CCDC149: variants seen among roughly 807,000 people sequenced by gnomAD.
CCDC149 encodes coiled-coil domain-containing protein 149.
Under a neutral mutation model 59.9 loss-of-function variants are expected in CCDC149, and 45 were observed. The ratio of observed to expected loss-of-function variants is 0.75; its 90% CI spans 0.59 to 0.96. The LOEUF is 0.96. Ranked by LOEUF, CCDC149 falls within the 40% of genes least tolerant of loss-of-function variation. CCDC149 has a pLI of 0.00. For missense variants in CCDC149, 584 were observed against 664.7 expected, an observed-to-expected ratio of 0.88 and a Z score of 1.33; for synonymous variants, 245 against 260.6, an observed-to-expected ratio of 0.94 and a Z score of 0.58.
At chr4:24,815,851 G>C (rs547699364) in intron 12 of CCDC149, among the ~76,000 whole-genome samples, 10 of 152,074 alleles carry the variant, frequency 6.6e-5, no homozygotes, top group Non-Finnish European at 1.5e-4. Flanking sequence ...GTGGGTGCAG[G>C]GGGGTGCGTG....
At chr4:24,975,808 C>T (rs910283015) in intron 1 of CCDC149, among the ~76,000 whole-genome samples, 28 of 129,758 alleles carry the variant, frequency 2.2e-4, no homozygotes, top group African/African-American at 9.5e-4. Flanking sequence ...CTGCCAATCC[C>T]GCATCTGTCT....
At chr4:24,937,657 AGAG>A (rs1722824014) in intron 1 of CCDC149, among the ~76,000 whole-genome samples, 1 of 152,198 alleles carries the variant, frequency 6.6e-6, no homozygotes, top group South Asian at 2.1e-4. Flanking sequence ...TTGCTGAGGA[AGAG>A]GAGGAGAAAA....
At position 24,968,356 on chromosome 4, in the gene CCDC149, G is replaced by A. The variant is rs374919537; in HGVS notation, c.-65+11713C>T. 3.9e-5 allele frequency among the ~76,000 whole-genome samples: 6 copies of A among 152,318 alleles called. No individual in the cohort carries two copies. In the South Asian group the frequency reaches 6.2e-4, roughly 16 times the overall value. On this transcript the variant is annotated intron_variant, in intron 1 of 12. Transcript: ENST00000389609. ...GATGGGCTGCAGTCATTGTGCAGAC[G>A]ACTTACCCAATAGCAGGAATGGATG...
chr4:24,935,227 G>A (rs967068107), intron 1 of CCDC149, among the ~76,000 whole-genome samples: 8 of 152,148 alleles, frequency 5.3e-5, no homozygotes, highest in Non-Finnish European at 8.8e-5. Context: ...AGAAGTGAAA[G>A]AAAGCGCATA....
chr4:24,870,639 T>C (rs1436342504), intron 3 of CCDC149, among the ~76,000 whole-genome samples: 2 of 152,228 alleles, frequency 1.3e-5, no homozygotes, highest in Non-Finnish European at 2.9e-5. Context: ...CTGGGATTGA[T>C]CAGATTCTCT....
At chr4:24,940,198 T>C (rs1358737527) in intron 1 of CCDC149, among the ~76,000 whole-genome samples, 1 of 152,142 alleles carries the variant, frequency 6.6e-6, no homozygotes, top group Non-Finnish European at 1.5e-5. Context: ...GCTGATCTCT[T>C]GGCAGAAACT....
At chr4:24,883,421 A>T (rs1719967912) in intron 1 of CCDC149, among the ~76,000 whole-genome samples, 1 of 142,592 alleles carries the variant, frequency 7.0e-6, no homozygotes, top group African/African-American at 2.6e-5. Flanking sequence ...TTACCCATTC[A>T]TTCAACAAAT....
rs1159269353 is a variant in CCDC149, at chr4:24,831,511, G to C, written c.960C>G (p.Thr320=). 6.2e-7 allele frequency: 1 copy of C among 1,613,800 alleles called. No individual in the cohort carries two copies. The highest frequency in any genetic ancestry group is 8.5e-7 in the Non-Finnish European group (1 of 1,179,910). Residue 320 remains threonine, a synonymous_variant, in exon 9 of 13, where the codon ACC becomes ACG. Coordinates refer to ENST00000635206, the MANE Select transcript of CCDC149 (RefSeq NM_001330643.2). ...ACAAGAGTTTGGCCACCTACTTGTT[G>C]GTTTGCCTCTGGTGCTGAATGACCA...
intron 1 of CCDC149, among the ~76,000 whole-genome samples, chr4:24,906,443 C>T (rs189794854): frequency 2.2e-5 from 1 of 46,418 alleles, no homozygotes; most frequent in Admixed American, 2.4e-4. Flanking sequence ...CTCTTGTCAC[C>T]CAGGCAGGAG....
chr4:24,864,778 C>A (rs1718597181), intron 3 of CCDC149, among the ~76,000 whole-genome samples: 1 of 152,200 alleles, frequency 6.6e-6, no homozygotes, highest in Non-Finnish European at 1.5e-5. Context: ...TTGAACAACA[C>A]AGGCTTGAAC....
intron 2 of CCDC149, among the ~76,000 whole-genome samples, chr4:24,874,104 T>TAG (rs917598198): frequency 2.6e-5 from 4 of 151,364 alleles, no homozygotes; most frequent in African/African-American, 9.7e-5. Flanking sequence ...CATACACATA[T>TAG]AGAGAGAGAG....
intron 4 of CCDC149, among the ~76,000 whole-genome samples, chr4:24,846,418 C>T (rs999421522): frequency 6.6e-6 from 1 of 152,208 alleles, no homozygotes; most frequent in African/African-American, 2.4e-5. Flanking sequence ...TCTCTCTGCT[C>T]CTTTTGAAGC....
chr4:24,895,554 C>A (rs990769296), intron 1 of CCDC149, among the ~76,000 whole-genome samples: 3 of 152,126 alleles, frequency 2.0e-5, no homozygotes, highest in African/African-American at 7.2e-5. Context: ...TCCACTGTTA[C>A]CCAAGGCATT....
intron 1 of CCDC149, among the ~76,000 whole-genome samples, chr4:24,880,675 G>C (rs1164739208): frequency 1.3e-5 from 2 of 152,140 alleles, no homozygotes; most frequent in African/African-American, 2.4e-5. Context: ...CAAATATAAG[G>C]CTGGGGCATT....
At chr4:24,921,785 G>T (rs377100836) in intron 1 of CCDC149, among the ~76,000 whole-genome samples, 24 of 152,280 alleles carry the variant, frequency 1.6e-4, no homozygotes, top group African/African-American at 4.8e-4. Context: ...TTAAAGATTT[G>T]ATGAAATTCA....
At position 24,819,959 on chromosome 4, in the gene CCDC149, T is replaced by C; in HGVS notation, c.1092A>G (p.Ile364Met). 1 of 1,550,232 alleles carries C rather than the reference T, an allele frequency of 6.5e-7. No homozygotes were observed. The highest frequency in any genetic ancestry group is 8.7e-7 in the Non-Finnish European group (1 of 1,146,256). Residue 364 changes from isoleucine (I) to methionine (M), a missense_variant, in exon 12 of 13, where the codon ATA becomes ATG. Transcript: ENST00000635206. Reference sequence around the variant, plus strand: ...TAGGAAGAGTGGGGTCGCTGAACAGTATGGTGTCCTTGCCCCCTGTTGCAG... The same window carrying C: ...TAGGAAGAGTGGGGTCGCTGAACAGCATGGTGTCCTTGCCCCCTGTTGCAG...
chr4:24,966,215 G>A (rs971951269), intron 1 of CCDC149, among the ~76,000 whole-genome samples: 1 of 152,168 alleles, frequency 6.6e-6, no homozygotes, highest in Non-Finnish European at 1.5e-5. Context: ...TATATAGACT[G>A]TGTGGAACGA....
rs573594868 is a variant in CCDC149 at position 24,879,005 on chromosome 4, G to A, written c.64-2308C>T. 1.3e-4 allele frequency among the ~76,000 whole-genome samples: 20 copies of A among 152,326 alleles called. No individual in the cohort carries two copies. The South Asian group carries it at 4.1e-3, about 32-fold the overall frequency. On this transcript the variant is annotated intron_variant, in intron 1 of 12. Coordinates refer to ENST00000635206, the MANE Select transcript of CCDC149 (RefSeq NM_001330643.2). ...GTAGAAAACAGGCACAGAGGCCTCT[G>A]CTGAGACCCACTGGCCCGGGATTTG...
chr4:24,830,937 C>T (rs780047525), intron 9 of CCDC149: 2 of 152,632 alleles, frequency 1.3e-5, no homozygotes, highest in Non-Finnish European at 2.9e-5. Flanking sequence ...TCTGTCATCT[C>T]TAATGGCTAC....
Sources: gnomAD v4.1 joint callset for allele counts (sites outside exome capture counted in the v4.1 genomes callset) on GRCh38, gnomAD v4.1.1 for gene constraint, MANE v1.5 for transcripts, NCBI Gene and HGNC (gene_info 2026-07-23, HGNC 2026-07-21) for gene names.